The following KCNIP4 variants were observed in gnomAD, a reference collection of about 807,000 sequenced individuals.
The protein encoded by KCNIP4 is Kv channel-interacting protein 4.
Under a neutral mutation model 34.0 loss-of-function variants are expected in KCNIP4, and 12 were observed. That is an observed-to-expected ratio of 0.35 (90% CI 0.23 to 0.57). The LOEUF is 0.57. KCNIP4 is among the 20% of genes least tolerant of loss of function. The pLI, the probability that KCNIP4 is intolerant of heterozygous loss-of-function variation, is 0.83. For synonymous variants in KCNIP4, 124 were observed against 102.2 expected, an observed-to-expected ratio of 1.21 and a Z score of -1.29; for missense variants, 238 against 311.7, an observed-to-expected ratio of 0.76 and a Z score of 1.78.
intron 1 of KCNIP4, among the ~76,000 whole-genome samples, chr4:21,000,177 G>A (rs1737982461): frequency 6.6e-6 from 1 of 152,048 alleles, no homozygotes; most frequent in Admixed American, 6.6e-5. Flanking sequence ...ACATGCAAAT[G>A]ATTAGCAAAA....
chr4:21,513,335 G>A (rs1734489974), intron 1 of KCNIP4, among the ~76,000 whole-genome samples: 1 of 152,098 alleles, frequency 6.6e-6, no homozygotes, highest in Non-Finnish European at 1.5e-5. Flanking sequence ...TTACGTTAAA[G>A]AAACTTCCTG....
chr4:21,894,195 G>A (rs1727255787), intron 1 of KCNIP4, among the ~76,000 whole-genome samples: 1 of 152,002 alleles, frequency 6.6e-6, no homozygotes, highest in East Asian at 1.9e-4. Flanking sequence ...AATTAGCTGT[G>A]TGTGGTGGCA....
chr4:21,326,203 AT>A (rs1164538770), intron 1 of KCNIP4, among the ~76,000 whole-genome samples: 1 of 151,716 alleles, frequency 6.6e-6, no homozygotes, highest in African/African-American at 2.4e-5. Context: ...GTCTCCAGCT[AT>A]TACATTATTG....
chr4:21,458,918 C>T (rs1237112407), intron 1 of KCNIP4, among the ~76,000 whole-genome samples: 1 of 151,944 alleles, frequency 6.6e-6, no homozygotes, highest in Non-Finnish European at 1.5e-5. Context: ...CTAACTGAAC[C>T]CTTTTCTGGG....
chr4:20,775,653 G>A (rs1415673760), intron 3 of KCNIP4, among the ~76,000 whole-genome samples: 1 of 152,110 alleles, frequency 6.6e-6, no homozygotes, highest in Admixed American at 6.5e-5. Flanking sequence ...AGGCTGCAGT[G>A]AGCTATGATT....
intron 3 of KCNIP4, among the ~76,000 whole-genome samples, chr4:20,796,083 G>A (rs1402712065): frequency 6.6e-6 from 1 of 152,150 alleles, no homozygotes; most frequent in Non-Finnish European, 1.5e-5. Context: ...GTGCATACAT[G>A]CAGAAAGTTT....
At chr4:21,145,174 A>C (rs1210051882) in intron 1 of KCNIP4, among the ~76,000 whole-genome samples, 1 of 152,184 alleles carries the variant, frequency 6.6e-6, no homozygotes, top group Non-Finnish European at 1.5e-5. Flanking sequence ...AACTCCCTGC[A>C]ACTCCACCTA....
chr4:21,571,427 A>C (rs1740360420), intron 1 of KCNIP4, among the ~76,000 whole-genome samples: 1 of 152,206 alleles, frequency 6.6e-6, no homozygotes, highest in African/African-American at 2.4e-5. Context: ...AGAAATGCAA[A>C]TCTGTAGGCT....
intron 1 of KCNIP4, among the ~76,000 whole-genome samples, chr4:21,184,706 A>G (rs1755089676): frequency 6.6e-6 from 1 of 152,172 alleles, no homozygotes; most frequent in Non-Finnish European, 1.5e-5. Context: ...AATCAGGAAG[A>G]GAGAGAACAA....
At chr4:20,744,311 T>C (rs993797729) in intron 5 of KCNIP4, among the ~76,000 whole-genome samples, 4 of 152,210 alleles carry the variant, frequency 2.6e-5, no homozygotes, top group Non-Finnish European at 5.9e-5. Context: ...CATGCACATG[T>C]ATGTTTATTG....
chr4:21,638,261 G>A (rs959030), intron 1 of KCNIP4, among the ~76,000 whole-genome samples: 45,021 of 151,954 alleles, frequency 0.3, 7,736 homozygotes, highest in East Asian at 0.64. Context: ...TTCATCAGCA[G>A]CCTAAGAGAC....
Position 21,785,568 on chromosome 4 carries a change from G to A in KCNIP4, c.61+163003C>T, listed in dbSNP as rs1719847755. 2.1e-5 allele frequency among the ~76,000 whole-genome samples: 3 copies of A among 140,282 alleles called. No homozygotes were observed. The South Asian group carries it at 6.5e-4, about 30-fold the overall frequency. The allele number at this position is 140,282 out of a possible 152,430, so 92.0% of individuals were successfully genotyped here. On this transcript the variant is annotated intron_variant, in intron 1 of 8. Coordinates refer to ENST00000382152, the MANE Select transcript of KCNIP4 (RefSeq NM_025221.6). Reference sequence around the variant, plus strand: ...GATTGCACCCCTGCACTCCAGCCTGGGTCAAAGAGTGAGATTCCATCTCAA... The same window carrying A: ...GATTGCACCCCTGCACTCCAGCCTGAGTCAAAGAGTGAGATTCCATCTCAA...
At chr4:21,382,093 G>C (rs71607073) in intron 1 of KCNIP4, among the ~76,000 whole-genome samples, 3,695 of 152,318 alleles carry the variant, frequency 0.024, 192 homozygotes, top group East Asian at 0.19. Flanking sequence ...TATGCAGGAT[G>C]TGGGAATGGA....
chr4:20,863,643 C>T (rs1414580411), intron 2 of KCNIP4, among the ~76,000 whole-genome samples: 1 of 152,150 alleles, frequency 6.6e-6, no homozygotes, highest in Non-Finnish European at 1.5e-5. Context: ...TTAGTTCAGC[C>T]TACGCCCAGG....
chr4:20,764,687 C>A (rs1755237082), intron 3 of KCNIP4, among the ~76,000 whole-genome samples: 1 of 151,174 alleles, frequency 6.6e-6, no homozygotes, highest in African/African-American at 2.4e-5. Flanking sequence ...ATTGGACACA[C>A]ACACACACAC....
At chr4:21,917,846 C>T (rs969327771) in intron 1 of KCNIP4, among the ~76,000 whole-genome samples, 34 of 152,142 alleles carry the variant, frequency 2.2e-4, no homozygotes, top group Admixed American at 1.0e-3. Context: ...AAAAGCAAGA[C>T]GTTCATGGTA....
At chr4:21,568,393 ATTGAGTGTCAAC>A (rs1472806230) in intron 1 of KCNIP4, among the ~76,000 whole-genome samples, 1 of 152,126 alleles carries the variant, frequency 6.6e-6, no homozygotes, top group African/African-American at 2.4e-5. Flanking sequence ...GATGGTTGAT[ATTGAGTGTCAAC>A]TTGATTGAAT....
At chr4:20,792,191 T>C (rs1359663968) in intron 3 of KCNIP4, among the ~76,000 whole-genome samples, 3 of 152,006 alleles carry the variant, frequency 2.0e-5, no homozygotes, top group African/African-American at 2.4e-5. Context: ...CTGGCCAACA[T>C]GGTGAAACTC....
chr4:20,937,739 C>T (rs1731229166), intron 1 of KCNIP4, among the ~76,000 whole-genome samples: 3 of 152,236 alleles, frequency 2.0e-5, no homozygotes, highest in East Asian at 3.9e-4. Context: ...TTAGAGTCTG[C>T]TTTGGATGAA....
Sources: gnomAD v4.1 joint callset for allele counts (sites outside exome capture counted in the v4.1 genomes callset) on GRCh38, gnomAD v4.1.1 for gene constraint, MANE v1.5 for transcripts, NCBI Gene and HGNC (gene_info 2026-07-23, HGNC 2026-07-21) for gene names.